The following DNHD1 variants were observed in gnomAD, a reference collection of about 807,000 sequenced individuals.
DNHD1 encodes the protein dynein heavy chain domain-containing protein 1.
In DNHD1, 383 loss-of-function variants were observed where a neutral mutation model predicts 458.1. The ratio of observed to expected loss-of-function variants is 0.84; its 90% CI spans 0.77 to 0.91. The LOEUF (loss-of-function observed/expected upper bound fraction) is 0.91. Ranked by LOEUF, DNHD1 falls within the 40% of genes least tolerant of loss-of-function variation. DNHD1 has a pLI of 0.00. For synonymous variants in DNHD1, 2,203 were observed against 2,376.9 expected (o/e 0.93, Z 2.13); for missense variants, 5,336 against 5,866.1 (o/e 0.91, Z 2.95).
At position 6,533,850 on chromosome 11, in the gene DNHD1, C is replaced by T; in HGVS notation, c.2675C>T (p.Pro892Leu). The change falls in exon 14 of 43, where the codon CCT (proline) becomes CTT (leucine). Residue 892 changes from proline (P) to leucine (L), a missense_variant. Transcript: ENST00000254579. Reference protein sequence around the residue: ...FGESPIPPCPPPPQPHLLHCP... With the variant: ...FGESPIPPCPLPPQPHLLHCP... ...GAGTCACCCATCCCTCCCTGCCCTCCTCCCCCACAACCACATCTACTCCAC... is the reference window on the plus strand; with the variant it reads ...GAGTCACCCATCCCTCCCTGCCCTCTTCCCCCACAACCACATCTACTCCAC... 1.9e-6 allele frequency: 3 copies of T among 1,551,324 alleles called. No individual in the cohort carries two copies. Among genetic ancestry groups the T allele is most frequent in the South Asian group, 1.2e-5 (1 of 84,006 alleles).
intron 7 of DNHD1, among the ~76,000 whole-genome samples, chr11:6,518,591 A>G (rs1170484021): frequency 6.6e-6 from 1 of 152,174 alleles, no homozygotes; most frequent in Non-Finnish European, 1.5e-5. Flanking sequence ...TAGAAAAATG[A>G]AATAAGGTGT....
At chr11:6,567,923 C>T (rs1348014343) in intron 36 of DNHD1, 63 bp downstream of exon 36, 1 of 1,493,406 alleles carries the variant, frequency 6.7e-7, no homozygotes, top group South Asian at 1.4e-5. Flanking sequence ...CATGGGGGAC[C>T]CCCTCCAAGC....
In DNHD1 at chr11:6,520,037, T is replaced by G; in HGVS notation, c.1720T>G (p.Cys574Gly). 1 of 1,614,214 alleles carries G rather than the reference T, an allele frequency of 6.2e-7. No homozygotes were observed. ...TCATGGTCAACTGTCTCATGTGCCC[T>G]GTGTTGAAAATATGATCCAGACTCT... ...DDHGQLSHVP[C>G]VENMIQTLTG... is the part of the protein sequence containing the mutation. Residue 574 changes from cysteine (C) to glycine (G), a missense_variant, in exon 9 of 43, where the codon TGT becomes GGT. Physicochemically the swap from Cys to Gly is radical, Grantham distance 159. Transcript: ENST00000254579.
chr11:6,546,507 C>A lies in DNHD1; in HGVS notation c.5568C>A (p.Ser1856=), dbSNP rs1180028190. ...CCTTCCAGATGGCTACCCGCCTATC[C>A]AAATTCTTCTCTCTAGAGCGTGAGC... ...RDAFQMATRL[S]KFFSLERELV... is the part of the protein sequence containing the mutation. Residue 1856 remains serine (S), a synonymous_variant, in exon 21 of 43, where the codon TCC becomes TCA. Coordinates refer to ENST00000254579, the MANE Select transcript of DNHD1 (RefSeq NM_144666.3). 2 of 1,550,998 alleles carry A rather than the reference C, an allele frequency of 1.3e-6. No homozygotes were observed. The highest frequency in any genetic ancestry group is 1.4e-5 in the African/African-American group (1 of 73,044).
intron 28 of DNHD1, among the ~76,000 whole-genome samples, chr11:6,560,117 G>T (rs1236811811): frequency 1.3e-5 from 2 of 152,252 alleles, no homozygotes; most frequent in African/African-American, 4.8e-5. Flanking sequence ...TTTTTAATAA[G>T]AAGAATTCTA....
chr11:6,504,426 G>A (rs1852190631), intron 4 of DNHD1, among the ~76,000 whole-genome samples: 1 of 152,176 alleles, frequency 6.6e-6, no homozygotes. Context: ...CTCAGCAATG[G>A]TCTTTCACCC....
intron 10 of DNHD1, among the ~76,000 whole-genome samples, chr11:6,526,730 G>T (rs1386387174): frequency 1.3e-5 from 2 of 152,126 alleles, no homozygotes; most frequent in African/African-American, 4.8e-5. Context: ...TCCATGACGA[G>T]CTCTGTCCCA....
rs752921716 is a variant in DNHD1, at chr11:6,498,994, G to A, written c.746+33G>A. On this transcript the variant is annotated intron_variant, in intron 3 of 42. Transcript: ENST00000254579. ...AGGGACTCAGTCTAGGGCTTGAGCA[G>A]AGGAGAAAAAGTTGCTGTTTTATGG... is the stretch of plus-strand genomic sequence containing the variant. The A allele has an allele frequency of 1.2e-5, 19 of 1,533,752 alleles. 1 individual carries two copies. Among genetic ancestry groups the A allele is most frequent in the Admixed American group, 1.1e-4 (5 of 46,374 alleles).
At position 6,563,117 on chromosome 11, in the gene DNHD1, G is replaced by A. The variant is rs1853619573; in HGVS notation, c.9655G>A (p.Ala3219Thr). The A allele has an allele frequency of 6.4e-7, 1 of 1,551,590 alleles. No homozygotes were observed. The highest frequency in any genetic ancestry group is 1.2e-5 in the South Asian group (1 of 84,066). Reference sequence around the variant, plus strand: ...GGATGCCCTGCAAGCTCAGCGAGAGGCTTTCCTGGAGCAGGTGGGCTCTTC... The same window carrying A: ...GGATGCCCTGCAAGCTCAGCGAGAGACTTTCCTGGAGCAGGTGGGCTCTTC... ...QRDALQAQRE[A>T]FLEQMSKAFL... The change falls in exon 29 of 43, where the codon GCT becomes ACT. Residue 3219 changes from alanine (A) to threonine (T), a missense_variant. This residue lies in a region of DNHD1 where 3,932 missense variants were observed against 4,365.6 expected (regional missense o/e 0.90). Transcript: ENST00000254579.
chr11:6,513,518 A>G (rs1446527581), intron 7 of DNHD1, among the ~76,000 whole-genome samples: 1 of 152,176 alleles, frequency 6.6e-6, no homozygotes, highest in East Asian at 1.9e-4. Flanking sequence ...TGTGAGATTT[A>G]TCCGTAATGT....
In DNHD1 at chr11:6,538,727, G is replaced by A. The variant is rs779395296; in HGVS notation, c.3242G>A (p.Gly1081Glu). 6 of 1,549,768 alleles carry A rather than the reference G, an allele frequency of 3.9e-6. No individual in the cohort carries two copies. The highest frequency in any genetic ancestry group is 2.4e-5 in the South Asian group (2 of 83,894). Residue 1081 changes from glycine to glutamate, a missense_variant, in exon 16 of 43, where the codon GGG becomes GAG. By Grantham distance (98) the Gly-to-Glu change is moderately conservative (BLOSUM62 -2). Around this residue, in one of 4 missense-constraint regions of DNHD1, gnomAD observed 3,932 missense variants for 4,365.6 expected, o/e 0.90. Coordinates refer to ENST00000254579, the MANE Select transcript of DNHD1 (RefSeq NM_144666.3). ...PVLQHCMRIL[G>E]EFRSYLPLLT... is the part of the protein sequence containing the mutation. ...CTGCAGCACTGCATGCGCATCCTGGGGGAGTTTCGCAGCTACCTGCCCCTG... is the reference window on the plus strand; with the variant it reads ...CTGCAGCACTGCATGCGCATCCTGGAGGAGTTTCGCAGCTACCTGCCCCTG...
rs1191900328 is a variant in DNHD1 at position 6,545,023 on chromosome 11, C to T, written c.4084C>T (p.Leu1362Phe). Residue 1362 changes from leucine to phenylalanine, a missense_variant, in exon 21 of 43, where the codon CTT becomes TTT. Around this residue, in one of 4 missense-constraint regions of DNHD1, gnomAD observed 3,932 missense variants for 4,365.6 expected, o/e 0.90. Transcript: ENST00000254579. This position sits in a 1 kb window ranked among gnomAD's most constrained non-coding sequence, Gnocchi z 4.9. ...TGCTCACTTCCCCCGCCTCTTCTTC[C>T]TTAGTGACAGTGAGCTGGTAGCCCT... ...VCAHFPRLFFLSDSELVALLA... is the reference protein window; with the variant it reads ...VCAHFPRLFFFSDSELVALLA... 2.6e-6 allele frequency: 4 copies of T among 1,551,724 alleles called. No individual in the cohort carries two copies. Among genetic ancestry groups the T allele is most frequent in the African/African-American group, 1.4e-5 (1 of 73,050 alleles).
In DNHD1 at chr11:6,564,367, A is replaced by T. The variant is rs996025147; in HGVS notation, c.10319A>T (p.Asp3440Val). Residue 3440 changes from aspartate to valine, a missense_variant, in exon 32 of 43, where the codon GAT (aspartate) becomes GTT (valine). Physicochemically the swap from Asp to Val is radical, Grantham distance 152. Around this residue, in one of 4 missense-constraint regions of DNHD1, gnomAD observed 3,932 missense variants for 4,365.6 expected, o/e 0.90. Coordinates refer to ENST00000254579, the MANE Select transcript of DNHD1 (RefSeq NM_144666.3). ...LKGRCMTVFG[D>V]TLLCSAAIIY... ...GGACGCTGCATGACTGTGTTTGGAG[A>T]TACCCTCCTATGTTCAGCTGCCATC... 4 of 1,548,804 alleles carry T rather than the reference A, an allele frequency of 2.6e-6. No homozygotes were observed. Among genetic ancestry groups the T allele is most frequent in the Non-Finnish European group, 3.5e-6 (4 of 1,144,954 alleles).
chr11:6,506,046 G>A (rs965741005), intron 4 of DNHD1, among the ~76,000 whole-genome samples: 6 of 151,782 alleles, frequency 4.0e-5, no homozygotes, highest in Non-Finnish European at 7.4e-5. Flanking sequence ...ATTGACAAGA[G>A]AACTAAAAAG....
intron 12 of DNHD1, among the ~76,000 whole-genome samples, chr11:6,531,111 G>A (rs1852820395): frequency 6.6e-6 from 1 of 152,138 alleles, no homozygotes; most frequent in African/African-American, 2.4e-5. Context: ...TGCAGTAGGT[G>A]CTTAATATTT....
intron 4 of DNHD1, chr11:6,503,837 A>G (rs1852182889): frequency 6.6e-6 from 1 of 152,150 alleles, no homozygotes; most frequent in African/African-American, 2.4e-5. Flanking sequence ...AAATAATTGT[A>G]ATAATTGCCT....
intron 7 of DNHD1, among the ~76,000 whole-genome samples, chr11:6,514,970 G>A (rs1852428128): frequency 6.6e-6 from 1 of 152,148 alleles, no homozygotes; most frequent in African/African-American, 2.4e-5. Flanking sequence ...AGAGGAGAGA[G>A]GAAATCAGGC....
intron 7 of DNHD1, among the ~76,000 whole-genome samples, chr11:6,514,706 C>A (rs1564998085): frequency 6.6e-6 from 1 of 152,020 alleles, no homozygotes; most frequent in East Asian, 1.9e-4. Flanking sequence ...ATCATTTATG[C>A]TCTTTTTTTA....
At chr11:6,515,876 C>A (rs949738893) in intron 7 of DNHD1, among the ~76,000 whole-genome samples, 1 of 150,278 alleles carries the variant, frequency 6.7e-6, no homozygotes, top group African/African-American at 2.5e-5. Flanking sequence ...CCTCCACCCC[C>A]TTGGGCTCAA....
Sources: gnomAD v4.1 joint callset for allele counts (sites outside exome capture counted in the v4.1 genomes callset) on GRCh38, gnomAD v4.1.1 for gene constraint, gnomAD v4.1.1 regional missense constraint, Gnocchi (gnomAD v3.1) non-coding constraint, MANE v1.5 for transcripts, NCBI Gene and HGNC (gene_info 2026-07-23, HGNC 2026-07-21) for gene names.